The following WDR41 variants were observed in gnomAD, a reference collection of about 807,000 sequenced individuals.
The protein encoded by WDR41 is WD repeat-containing protein 41.
WDR41 carries 63 observed loss-of-function variants against 69.3 expected under a neutral mutation model. That is an observed-to-expected ratio of 0.91 (90% CI 0.74 to 1.12). The LOEUF is 1.12. Ranked by LOEUF, WDR41 falls within the 50% of genes most tolerant of loss-of-function variation. The pLI is 0.00. For synonymous variants in WDR41, 185 were observed against 192.1 expected (o/e 0.96, Z 0.31); for missense variants, 543 against 534.5 (o/e 1.02, Z -0.16).
At chr5:77,488,202 T>G (rs557318832) in intron 2 of WDR41, among the ~76,000 whole-genome samples, 1 of 151,978 alleles carries the variant, frequency 6.6e-6, no homozygotes, top group Admixed American at 6.6e-5. Context: ...CAGTGAGGGG[T>G]GCTGTATAGA....
intron 1 of WDR41, among the ~76,000 whole-genome samples, chr5:77,501,072 G>A (rs111907131): frequency 0.11 from 16,177 of 152,234 alleles, 1,034 homozygotes; most frequent in Middle Eastern, 0.2. Flanking sequence ...AGGGCGAGGC[G>A]TTGCCTCACC....
At chr5:77,491,284 TTGAC>T (rs1244722431) in intron 1 of WDR41, 1 of 258,866 alleles carries the variant, frequency 3.9e-6, no homozygotes, top group East Asian at 1.4e-4. Flanking sequence ...CAACTCCCCT[TTGAC>T]TGTAATTTTC....
intron 1 of WDR41, among the ~76,000 whole-genome samples, chr5:77,619,462 G>C (rs1348393197): frequency 6.6e-6 from 1 of 152,042 alleles, no homozygotes; most frequent in East Asian, 1.9e-4. Flanking sequence ...TACACCCCTA[G>C]AGACCCCCCA....
intron 2 of WDR41, among the ~76,000 whole-genome samples, chr5:77,483,926 C>T (rs1206649096): frequency 1.3e-5 from 2 of 152,128 alleles, no homozygotes; most frequent in Non-Finnish European, 2.9e-5. Context: ...CAGTTACTTC[C>T]TGTATCTATG....
intron 2 of WDR41, among the ~76,000 whole-genome samples, chr5:77,482,906 G>C (rs146076187): frequency 6.8e-6 from 1 of 147,412 alleles, no homozygotes; most frequent in South Asian, 2.2e-4. Context: ...AAGTGCCCCC[G>C]GAACCTCCAC....
chr5:77,616,773 G>A (rs1175106988), intron 1 of WDR41, among the ~76,000 whole-genome samples: 1 of 152,096 alleles, frequency 6.6e-6, no homozygotes, highest in Non-Finnish European at 1.5e-5. Flanking sequence ...TACCACTGAT[G>A]GAAAATCACC....
At chr5:77,490,993 A>G (rs942030697) in intron 1 of WDR41, among the ~76,000 whole-genome samples, 1 of 152,244 alleles carries the variant, frequency 6.6e-6, no homozygotes, top group Non-Finnish European at 1.5e-5. Flanking sequence ...ATAAAATGCA[A>G]TTCACAAATT....
At chr5:77,589,683 T>C (rs548578218) in intron 1 of WDR41, among the ~76,000 whole-genome samples, 7 of 152,328 alleles carry the variant, frequency 4.6e-5, no homozygotes, top group Non-Finnish European at 1.0e-4. Context: ...TTGATTTTTG[T>C]ATTTTGATCT....
At chr5:77,605,544 C>A (rs183408303) in intron 1 of WDR41, among the ~76,000 whole-genome samples, 3 of 152,306 alleles carry the variant, frequency 2.0e-5, no homozygotes, top group Non-Finnish European at 4.4e-5. Context: ...GGGACAGATC[C>A]TTTGTTTCTG....
intron 1 of WDR41, among the ~76,000 whole-genome samples, chr5:77,598,868 G>T (rs1000473818): frequency 5.9e-5 from 9 of 152,020 alleles, no homozygotes; most frequent in Non-Finnish European, 1.0e-4. Flanking sequence ...GAAGCCACAA[G>T]TCAAGGAAGC....
intron 1 of WDR41, among the ~76,000 whole-genome samples, chr5:77,563,621 C>A (rs1375786397): frequency 6.6e-6 from 1 of 152,088 alleles, no homozygotes; most frequent in African/African-American, 2.4e-5. Flanking sequence ...TACTATGTAC[C>A]AGGCACTAGA....
At chr5:77,558,094 T>TTTTAAAAAAAAAAA (rs1554036365) in intron 1 of WDR41, among the ~76,000 whole-genome samples, 2 of 104,274 alleles carry the variant, frequency 1.9e-5, no homozygotes, top group African/African-American at 7.2e-5. Flanking sequence ...ATGTTCTTTT[T>TTTTAAAAAAAAAAA]AAAAAAAAAA....
At chr5:77,451,621 G>T in intron 6 of WDR41, 1 of 323,230 alleles carries the variant, frequency 3.1e-6, no homozygotes, top group Non-Finnish European at 5.7e-6. Flanking sequence ...GTGATAAAGT[G>T]GTAGATTCAG....
Position 77,436,518 on chromosome 5 carries a change from A to G in WDR41, c.1094-124T>C, listed in dbSNP as rs942570783. 3 of 1,134,406 alleles carry G rather than the reference A, an allele frequency of 2.6e-6. No homozygotes were observed. In the African/African-American group the frequency reaches 4.7e-5, roughly 18 times the overall value. 70.3% of individuals were successfully genotyped at this position (1,134,406 alleles called of 1,614,324 possible). ...TTTAGTCAAGGGCTAAGTGGACAGTACCTGAGCACCGTGCTAGGGTTTTGT... is the reference window on the plus strand; with the variant it reads ...TTTAGTCAAGGGCTAAGTGGACAGTGCCTGAGCACCGTGCTAGGGTTTTGT... On this transcript the variant is annotated intron_variant, in intron 11 of 12. Coordinates refer to ENST00000296679, the MANE Select transcript of WDR41 (RefSeq NM_018268.4).
At chr5:77,551,295 CA>C (rs1743290537) in intron 1 of WDR41, among the ~76,000 whole-genome samples, 1 of 151,984 alleles carries the variant, frequency 6.6e-6, no homozygotes, top group Non-Finnish European at 1.5e-5. Context: ...AAGAAGGGGG[CA>C]AAAATATTAA....
chr5:77,538,775 T>G (rs1300367143), intron 1 of WDR41, among the ~76,000 whole-genome samples: 1 of 152,222 alleles, frequency 6.6e-6, no homozygotes, highest in Non-Finnish European at 1.5e-5. Context: ...GTTCTGAATA[T>G]CCACTATGTG....
At chr5:77,461,920 G>A (rs957605978) in intron 4 of WDR41, among the ~76,000 whole-genome samples, 1 of 152,050 alleles carries the variant, frequency 6.6e-6, no homozygotes, top group African/African-American at 2.4e-5. Flanking sequence ...ACTTGACTCT[G>A]GACTTCACCA....
chr5:77,544,168 T>C (rs1743146727), intron 1 of WDR41, among the ~76,000 whole-genome samples: 1 of 151,876 alleles, frequency 6.6e-6, no homozygotes, highest in Non-Finnish European at 1.5e-5. Flanking sequence ...TTGAAACAAA[T>C]CCTGGAAACA....
intron 1 of WDR41, among the ~76,000 whole-genome samples, chr5:77,529,303 G>C (rs1174435869): frequency 6.6e-6 from 1 of 150,896 alleles, no homozygotes. Flanking sequence ...AAGCAAACAA[G>C]AATAAATCTA....
Sources: allele counts gnomAD v4.1 joint callset (sites outside exome capture counted in the v4.1 genomes callset), GRCh38; gene constraint gnomAD v4.1.1; transcripts MANE v1.5; gene names NCBI Gene and HGNC (gene_info 2026-07-23, HGNC 2026-07-21).